Variants in CASZ1 observed in about 807,000 individuals in gnomAD.
The protein encoded by CASZ1 is castor zinc finger 1.
CASZ1 carries 28 observed loss-of-function variants against 135.2 expected under a neutral mutation model. The observed-to-expected ratio is 0.21, with a 90% CI of 0.15 to 0.28. CASZ1 has a LOEUF of 0.28. Ranked by LOEUF, CASZ1 falls within the 10% of genes least tolerant of loss-of-function variation. The pLI is 1.00. For synonymous variants in CASZ1, 1,068 were observed against 1,073.4 expected (o/e 0.99, Z 0.10); for missense variants, 2,161 against 2,453.3 (o/e 0.88, Z 2.52).
intron 20 of CASZ1, 90 bp downstream of exon 20, chr1:10,642,769 C>A: frequency 1.4e-6 from 2 of 1,459,834 alleles, no homozygotes; most frequent in Admixed American, 2.0e-5. Context: ...AGGCCGCGTG[C>A]CCCGGACCTT....
rs1218489157 is a variant in CASZ1 at position 10,774,022 on chromosome 1, C to T, written c.-233-13165G>A. 6.6e-6 allele frequency among the ~76,000 whole-genome samples: 1 copy of T among 152,184 alleles called. No individual in the cohort carries two copies. The highest frequency in any genetic ancestry group is 1.5e-5 in the Non-Finnish European group (1 of 68,030). On this transcript the variant is annotated intron_variant, in intron 1 of 20. Transcript: ENST00000377022. The surrounding 1 kb of genome is among the most constrained non-coding windows in gnomAD (Gnocchi z 4.4). ...GGTGGTCCGGAGCAAACCTCCTTAA[C>T]TCTGATCCCAGCACAGAGGTGGGAC...
In CASZ1 at chr1:10,724,094, T is replaced by C. The variant is rs1463528784; in HGVS notation, c.-76-18550A>G. 6.6e-6 allele frequency among the ~76,000 whole-genome samples: 1 copy of C among 152,146 alleles called. No individual in the cohort carries two copies. ...TGGAGCTCTTTGACCACAGCACACT[T>C]TGGGAGAAGGTGGAAGAGTCCTCCC... On this transcript the variant is annotated intron_variant, in intron 2 of 20. Coordinates refer to ENST00000377022, the MANE Select transcript of CASZ1 (RefSeq NM_001079843.3). The surrounding 1 kb of genome is among the most constrained non-coding windows in gnomAD (Gnocchi z 4.1).
rs1234834912 is a variant in CASZ1, at chr1:10,647,573, A to C, written c.3497+228T>G. On this transcript the variant is annotated intron_variant, in intron 16 of 20. Transcript: ENST00000377022. The surrounding 1 kb of genome is among the most constrained non-coding windows in gnomAD (Gnocchi z 4.9). ...CACATGCCCTGCAGGAGCAGTAGCC[A>C]CTGCCGCCACCATCGGCCCACGCGG... 5 of 1,412,414 alleles carry C rather than the reference A, an allele frequency of 3.5e-6. No homozygotes were observed. In the African/African-American group the frequency reaches 7.2e-5, roughly 20 times the overall value. The allele number at this position is 1,412,414 out of a possible 1,614,324, so 87.5% of individuals were successfully genotyped here. A position where few individuals can be genotyped will look rare whatever the true frequency, so the allele number is the denominator to read the frequency against.
chr1:10,642,934 C>A lies in CASZ1; in HGVS notation c.4087G>T (p.Ala1363Ser), dbSNP rs770207190. Residue 1363 changes from alanine to serine, a missense_variant, in exon 20 of 21, where the codon GCC becomes TCC. This residue lies in a region of CASZ1 where 143 missense variants were observed against 128.3 expected (regional missense o/e 1.11). Transcript: ENST00000377022. ...ATGGTGGATGACTCAGAGGACATGGCGCCTGGGCTGCAGCCAGTGTAGTCC... is the reference window on the plus strand; with the variant it reads ...ATGGTGGATGACTCAGAGGACATGGAGCCTGGGCTGCAGCCAGTGTAGTCC... ...CMDYTGCSPG[A>S]MSSESSTMDR... The A allele has an allele frequency of 3.1e-6, 5 of 1,612,904 alleles. No homozygotes were observed. Among genetic ancestry groups the A allele is most frequent in the Non-Finnish European group, 4.2e-6 (5 of 1,179,974 alleles).
At chr1:10,760,603 G>A (rs1456159435) in intron 2 of CASZ1, 98 bp downstream of exon 2, 1 of 152,274 alleles carries the variant, frequency 6.6e-6, no homozygotes, top group Non-Finnish European at 1.5e-5. Flanking sequence ...ACTGGGAAAG[G>A]TGAGTCTAGG....
At chr1:10,742,909 C>T (rs967580748) in intron 2 of CASZ1, among the ~76,000 whole-genome samples, 11 of 151,922 alleles carry the variant, frequency 7.2e-5, no homozygotes, top group South Asian at 2.1e-4. Flanking sequence ...TGCTTGAACC[C>T]GGGAGGCAGA....
Position 10,793,496 on chromosome 1 carries a change from C to T in CASZ1, c.-234+3068G>A, listed in dbSNP as rs1641000859. The stretch of plus-strand genomic sequence containing the variant: ...AGGGGAAAAAAAGAGGAAGGCACTG[C>T]CCCTTTAAACGTTTTAGTGCATATG... On this transcript the variant is annotated intron_variant, in intron 1 of 20. Transcript: ENST00000377022. Among the ~76,000 whole-genome samples, 3 of 152,110 alleles carry T rather than the reference C, an allele frequency of 2.0e-5. No homozygotes were observed. In the South Asian group the frequency reaches 6.2e-4, roughly 32 times the overall value.
intron 6 of CASZ1, among the ~76,000 whole-genome samples, chr1:10,659,433 A>C (rs1366994984): frequency 6.6e-6 from 1 of 152,098 alleles, no homozygotes; most frequent in African/African-American, 2.4e-5. Context: ...TGCGAGGTGC[A>C]CGCGCAGGTC....
chr1:10,744,641 G>A (rs1468583165), intron 2 of CASZ1, among the ~76,000 whole-genome samples: 1 of 46,814 alleles, frequency 2.1e-5, no homozygotes, highest in African/African-American at 1.1e-4. Context: ...TGGGCACCAC[G>A]AGCAGGCATG....
At chr1:10,716,573 C>T (rs1273920898) in intron 2 of CASZ1, among the ~76,000 whole-genome samples, 1 of 152,224 alleles carries the variant, frequency 6.6e-6, no homozygotes, top group Non-Finnish European at 1.5e-5. Flanking sequence ...GGAAGGGGCT[C>T]CCCAAGCGAG....
chr1:10,732,764 C>T (rs115623817), intron 2 of CASZ1, among the ~76,000 whole-genome samples: 2,564 of 152,250 alleles, frequency 0.017, 67 homozygotes, highest in African/African-American at 0.054. Flanking sequence ...GTGCAGGGGA[C>T]GTGGGATCCA....
In CASZ1 at chr1:10,755,645, GT is replaced by G. The variant is rs1557553481; in HGVS notation, c.-77+5055del. 6.6e-6 allele frequency among the ~76,000 whole-genome samples: 1 copy of G among 152,034 alleles called. No individual in the cohort carries two copies. The highest frequency in any genetic ancestry group is 1.5e-5 in the Non-Finnish European group (1 of 68,004). Reference sequence around the variant, plus strand: ...CCTGCATCTGCTCCGAAGGCAGGGGGTGTGGGGAGAACGGAGGAAGGAGGCC... The same window carrying G: ...CCTGCATCTGCTCCGAAGGCAGGGGGGTGGGGAGAACGGAGGAAGGAGGCC... On this transcript the variant is annotated intron_variant, in intron 2 of 20. Transcript: ENST00000377022. The surrounding 1 kb of genome is among the most constrained non-coding windows in gnomAD (Gnocchi z 4.3).
chr1:10,753,895 T>C (rs1210234229), intron 2 of CASZ1, among the ~76,000 whole-genome samples: 2 of 152,200 alleles, frequency 1.3e-5, no homozygotes, highest in African/African-American at 4.8e-5. Flanking sequence ...AAGCTTCTTA[T>C]TTCACTCTGG....
intron 3 of CASZ1, among the ~76,000 whole-genome samples, chr1:10,696,967 C>T (rs370210039): frequency 5.9e-5 from 9 of 152,164 alleles, no homozygotes; most frequent in South Asian, 2.1e-4. Flanking sequence ...GGACAGGACT[C>T]GAGAGAGCTT....
In CASZ1 at chr1:10,665,405, G is replaced by C; in HGVS notation, c.183C>G (p.Pro61=). ...CAGGGCCACTGCGCTCTTGGTCCCGGGGCTGCGATGGGCTGCCCTCCGTGT... is the reference window on the plus strand; with the variant it reads ...CAGGGCCACTGCGCTCTTGGTCCCGCGGCTGCGATGGGCTGCCCTCCGTGT... ...GSHTEGSPSQ[P]RDQERSGPES... is the part of the protein sequence containing the mutation. The change falls in exon 5 of 21, where the codon CCC becomes CCG. Residue 61 remains proline, a synonymous_variant. Coordinates refer to ENST00000377022, the MANE Select transcript of CASZ1 (RefSeq NM_001079843.3). The C allele has an allele frequency of 6.2e-7, 1 of 1,612,666 alleles. No individual in the cohort carries two copies. Among genetic ancestry groups the C allele is most frequent in the Non-Finnish European group, 8.5e-7 (1 of 1,179,666 alleles).
At chr1:10,722,053 T>C (rs1299920644) in intron 2 of CASZ1, among the ~76,000 whole-genome samples, 2 of 152,224 alleles carry the variant, frequency 1.3e-5, no homozygotes, top group African/African-American at 4.8e-5. Context: ...TATGGAAACG[T>C]TGGAACCAGG....
chr1:10,672,101 C>T (rs1277734920), intron 4 of CASZ1, among the ~76,000 whole-genome samples: 1 of 152,198 alleles, frequency 6.6e-6, no homozygotes, highest in Non-Finnish European at 1.5e-5. Context: ...CCCTGCTTGC[C>T]CGAGAGGCCT....
In CASZ1 at chr1:10,735,333, G is replaced by A. The variant is rs577326073; in HGVS notation, c.-77+25368C>T. Among the ~76,000 whole-genome samples, 6 of 152,188 alleles carry A rather than the reference G, an allele frequency of 3.9e-5. No individual in the cohort carries two copies. Among genetic ancestry groups the A allele is most frequent in the Admixed American group, 1.3e-4 (2 of 15,284 alleles). On this transcript the variant is annotated intron_variant, in intron 2 of 20. Transcript: ENST00000377022. This position sits in a 1 kb window ranked among gnomAD's most constrained non-coding sequence, Gnocchi z 5.1. ...CTCTGGGAGAGGGAAAGGTTGAGCC[G>A]CCACGGGCCCCAAGCTGCATTCTGA...
intron 3 of CASZ1, among the ~76,000 whole-genome samples, chr1:10,702,315 A>G (rs1639078477): frequency 6.6e-6 from 1 of 152,164 alleles, no homozygotes; most frequent in Non-Finnish European, 1.5e-5. Context: ...CAGAAGGTCC[A>G]CAGAGGCCTC....
Sources: gnomAD v4.1 joint callset for allele counts (sites outside exome capture counted in the v4.1 genomes callset) on GRCh38, gnomAD v4.1.1 for gene constraint, gnomAD v4.1.1 regional missense constraint, Gnocchi (gnomAD v3.1) non-coding constraint, MANE v1.5 for transcripts, NCBI Gene and HGNC (gene_info 2026-07-23, HGNC 2026-07-21) for gene names.